Variants in PRKAG2 observed in about 807,000 individuals in gnomAD.
PRKAG2 encodes 5'-AMP-activated protein kinase subunit gamma-2.
A neutral mutation model predicts 69.6 loss-of-function variants in PRKAG2; 26 were observed. The ratio of observed to expected loss-of-function variants is 0.37; its 90% CI spans 0.27 to 0.52. The LOEUF is 0.52. Among genes scored for constraint, PRKAG2 ranks in the 20% least tolerant of loss-of-function variants. The pLI is 0.90. For missense variants in PRKAG2, 557 were observed against 740.0 expected (o/e 0.75, Z 2.87); for synonymous variants, 293 against 285.0 (o/e 1.03, Z -0.28).
chr7:151,557,044 TTC>T lies in PRKAG2; in HGVS notation c.*155_*156del. ...CTGAATCTTCAAGCACATAAAATCTTTCTTTTTTAAGCTTAATTTCAACATCA... is the reference window on the plus strand; with the variant it reads ...CTGAATCTTCAAGCACATAAAATCTTTTTTTTAAGCTTAATTTCAACATCA... On this transcript the variant is annotated 3_prime_UTR_variant, in exon 16 of 16. Coordinates refer to ENST00000287878, the MANE Select transcript of PRKAG2 (RefSeq NM_016203.4). 1 of 1,269,036 alleles carries T rather than the reference TTC, an allele frequency of 7.9e-7. No homozygotes were observed. The highest frequency in any genetic ancestry group is 1.1e-6 in the Non-Finnish European group (1 of 891,200). The allele number at this position is 1,269,036 out of a possible 1,614,324, so 78.6% of individuals were successfully genotyped here. A position where few individuals can be genotyped will look rare whatever the true frequency, so the allele number is the denominator to read the frequency against.
intron 3 of PRKAG2, among the ~76,000 whole-genome samples, chr7:151,684,032 C>T (rs1031967883): frequency 3.3e-5 from 5 of 152,186 alleles, no homozygotes; most frequent in Non-Finnish European, 5.9e-5. Flanking sequence ...TTCCACCCCT[C>T]ATTCCAGAGC....
chr7:151,794,866 G>C lies in PRKAG2; in HGVS notation c.115-8325C>G, dbSNP rs116117698. On this transcript the variant is annotated intron_variant, in intron 1 of 15. Transcript: ENST00000287878. ...CCGAGCCTTTCCTTGCCCACTCCGG[G>C]CAGCCTTTACTTGACCAGAGCTCCA... Among the ~76,000 whole-genome samples, 147 of 152,330 alleles carry C rather than the reference G, an allele frequency of 9.7e-4. 1 individual carries two copies. Among genetic ancestry groups the C allele is most frequent in the African/African-American group, 3.4e-3 (141 of 41,576 alleles).
intron 1 of PRKAG2, among the ~76,000 whole-genome samples, chr7:151,804,199 C>T (rs530881177): frequency 1.4e-4 from 21 of 152,282 alleles, no homozygotes; most frequent in African/African-American, 4.8e-4. Context: ...GGGGTATCCA[C>T]GTCATATGCT....
rs116114255 is a variant in PRKAG2 at position 151,764,511 on chromosome 7, T to C, written c.466+16641A>G. Among the ~76,000 whole-genome samples the C allele has an allele frequency of 9.2e-3, 1,398 of 152,304 alleles. 14 individuals carry two copies. The highest frequency in any genetic ancestry group is 0.032 in the African/African-American group (1,325 of 41,556). On this transcript the variant is annotated intron_variant, in intron 3 of 15. Coordinates refer to ENST00000287878, the MANE Select transcript of PRKAG2 (RefSeq NM_016203.4). ...ACCCCCGCCCAGTACTTTCTGACTGTCCACCCCCAGTGCCAAGAGCTCTCC... is the reference window on the plus strand; with the variant it reads ...ACCCCCGCCCAGTACTTTCTGACTGCCCACCCCCAGTGCCAAGAGCTCTCC...
chr7:151,568,887 A>G, intron 10 of PRKAG2, 45 bp from the exon 11 acceptor site: 1 of 1,610,300 alleles, frequency 6.2e-7, no homozygotes, highest in South Asian at 1.1e-5. Context: ...TTCGAGAAAA[A>G]TCAGAACACT....
Position 151,626,548 on chromosome 7 carries a change from C to T in PRKAG2, c.754+5521G>A, listed in dbSNP as rs111791345. On this transcript the variant is annotated intron_variant, in intron 5 of 15. Coordinates refer to ENST00000287878, the MANE Select transcript of PRKAG2 (RefSeq NM_016203.4). ...AAGCAGATAATCACCCGAGCCTTCTCGTGCCCTAAGTAATGATCGACAAGT... is the reference window on the plus strand; with the variant it reads ...AAGCAGATAATCACCCGAGCCTTCTTGTGCCCTAAGTAATGATCGACAAGT... Among the ~76,000 whole-genome samples the T allele has an allele frequency of 7.6e-3, 1,152 of 152,276 alleles. 22 individuals are homozygous for T. The highest frequency in any genetic ancestry group is 0.026 in the African/African-American group (1,089 of 41,520).
intron 4 of PRKAG2, among the ~76,000 whole-genome samples, chr7:151,652,510 ATTCT>A (rs1336376734): frequency 6.6e-6 from 1 of 152,140 alleles, no homozygotes; most frequent in East Asian, 1.9e-4. Context: ...AATATGGTAA[ATTCT>A]TTTTCTTTTT....
At chr7:151,865,898 T>C (rs11770069) in intron 1 of PRKAG2, among the ~76,000 whole-genome samples, 60,334 of 151,344 alleles carry the variant, frequency 0.4, 13,349 homozygotes, top group East Asian at 0.81. Flanking sequence ...CGGGCGCCCG[T>C]AGACCCAGCT....
At chr7:151,601,810 A>G (rs557342839) in intron 5 of PRKAG2, among the ~76,000 whole-genome samples, 17 of 152,370 alleles carry the variant, frequency 1.1e-4, no homozygotes, top group African/African-American at 3.8e-4. Context: ...CGCAGGGAAG[A>G]CAACAAACAC....
intron 3 of PRKAG2, among the ~76,000 whole-genome samples, chr7:151,738,333 C>T (rs964848730): frequency 4.6e-5 from 7 of 151,678 alleles, no homozygotes; most frequent in Admixed American, 6.6e-5. Context: ...GCCACTCACA[C>T]GGGGCCTCCA....
chr7:151,828,775 TAA>T lies in PRKAG2; in HGVS notation c.115-42236_115-42235del, dbSNP rs1470492521. Among the ~76,000 whole-genome samples, 1 of 151,528 alleles carries T rather than the reference TAA, an allele frequency of 6.6e-6. No homozygotes were observed. The highest frequency in any genetic ancestry group is 1.5e-5 in the Non-Finnish European group (1 of 67,904). ...GTCTTTACAAAAAAAAAAAAAACTT[TAA>T]AAGTCAGTGGGGCATGGTGGCTACT... is the stretch of plus-strand genomic sequence containing the variant. On this transcript the variant is annotated intron_variant, in intron 1 of 15. Transcript: ENST00000287878. This position sits in a 1 kb window ranked among gnomAD's most constrained non-coding sequence, Gnocchi z 4.6.
At chr7:151,579,613 A>G (rs1809863137) in intron 6 of PRKAG2, among the ~76,000 whole-genome samples, 1 of 152,206 alleles carries the variant, frequency 6.6e-6, no homozygotes, top group African/African-American at 2.4e-5. Flanking sequence ...CTATGCATTG[A>G]GCATCACATT....
At chr7:151,595,661 G>GA (rs1324028465) in intron 5 of PRKAG2, among the ~76,000 whole-genome samples, 7 of 152,002 alleles carry the variant, frequency 4.6e-5, no homozygotes, top group African/African-American at 1.4e-4. Context: ...TAAGGCAAGA[G>GA]AAAAAAATGA....
At chr7:151,827,745 T>TAAAAAAAAAAAAAA (rs55685618) in intron 1 of PRKAG2, among the ~76,000 whole-genome samples, 8 of 52,258 alleles carry the variant, frequency 1.5e-4, no homozygotes, top group South Asian at 1.1e-3. Context: ...TGGCCTTAGG[T>TAAAAAAAAAAAAAA]AAAAAAAAAA....
At chr7:151,848,340 C>T (rs963917645) in intron 1 of PRKAG2, among the ~76,000 whole-genome samples, 9 of 151,998 alleles carry the variant, frequency 5.9e-5, no homozygotes, top group African/African-American at 1.7e-4. Context: ...GTGCAAGGTG[C>T]CACCTTGGAA....
At chr7:151,728,031 CG>C (rs2151668127) in intron 3 of PRKAG2, among the ~76,000 whole-genome samples, 1 of 152,286 alleles carries the variant, frequency 6.6e-6, no homozygotes, top group African/African-American at 2.4e-5. Flanking sequence ...TGCTCAGCTC[CG>C]GGGGCCCGTC....
chr7:151,650,451 A>G (rs1020635621), intron 4 of PRKAG2, among the ~76,000 whole-genome samples: 1 of 152,182 alleles, frequency 6.6e-6, no homozygotes, highest in African/African-American at 2.4e-5. Flanking sequence ...CCTAAATCCT[A>G]CCAAACTCAG....
At chr7:151,667,782 G>A (rs1187823588) in intron 4 of PRKAG2, among the ~76,000 whole-genome samples, 1 of 152,204 alleles carries the variant, frequency 6.6e-6, no homozygotes, top group African/African-American at 2.4e-5. Context: ...AGCTGTTCCT[G>A]CCGAGGTCAC....
At chr7:151,680,485 GGAAA>G (rs1833709704) in intron 3 of PRKAG2, among the ~76,000 whole-genome samples, 1 of 152,112 alleles carries the variant, frequency 6.6e-6, no homozygotes, top group Non-Finnish European at 1.5e-5. Context: ...TTTGAAAAAA[GGAAA>G]GAAAGTATCT....
Sources: allele counts gnomAD v4.1 joint callset (sites outside exome capture counted in the v4.1 genomes callset), GRCh38; gene constraint gnomAD v4.1.1; non-coding constraint Gnocchi (gnomAD v3.1); transcripts MANE v1.5; gene names NCBI Gene and HGNC (gene_info 2026-07-23, HGNC 2026-07-21).